The following KAZN variants were observed in gnomAD, a reference collection of about 807,000 sequenced individuals.
KAZN encodes kazrin, periplakin interacting protein.
In KAZN, 40 loss-of-function variants were observed where a neutral mutation model predicts 87.4. The ratio of observed to expected loss-of-function variants is 0.46; its 90% confidence interval spans 0.36 to 0.60. The LOEUF (loss-of-function observed/expected upper bound fraction) is 0.60. Ranked by LOEUF, KAZN falls within the 20% of genes least tolerant of loss-of-function variation. KAZN has a pLI of 0.00. For missense variants in KAZN, 898 were observed against 1,073.9 expected (o/e 0.84, Z 2.29); for synonymous variants, 466 against 458.3 (o/e 1.02, Z -0.22).
chr1:14,172,450 C>T (rs1645974221), intron 1 of KAZN, among the ~76,000 whole-genome samples: 1 of 152,184 alleles, frequency 6.6e-6, no homozygotes, highest in African/African-American at 2.4e-5. Context: ...GTGCCAGGTC[C>T]TATGCTTAAA....
intron 4 of KAZN, among the ~76,000 whole-genome samples, chr1:15,046,447 C>T (rs536128656): frequency 2.6e-5 from 4 of 152,102 alleles, no homozygotes; most frequent in South Asian, 2.1e-4. Context: ...TTTGCTGTCT[C>T]GGGGTGACGG....
chr1:14,377,742 C>A (rs1432110839), intron 2 of KAZN, among the ~76,000 whole-genome samples: 1 of 152,190 alleles, frequency 6.6e-6, no homozygotes, highest in East Asian at 1.9e-4. Context: ...AGGTCCCAGG[C>A]ATATAGTGAT....
intron 2 of KAZN, among the ~76,000 whole-genome samples, chr1:14,355,726 C>T (rs1283389347): frequency 6.6e-6 from 1 of 152,144 alleles, no homozygotes; most frequent in Admixed American, 6.6e-5. Flanking sequence ...TGATGGTTTC[C>T]AGCCTCATCC....
At chr1:14,792,529 A>T (rs1645705501) in intron 1 of KAZN, among the ~76,000 whole-genome samples, 1 of 152,128 alleles carries the variant, frequency 6.6e-6, no homozygotes, top group Admixed American at 6.5e-5. Flanking sequence ...CTCAACCTGG[A>T]GGTTTAGTGG....
chr1:15,034,303 C>T (rs1238277972), intron 2 of KAZN, among the ~76,000 whole-genome samples: 3 of 152,190 alleles, frequency 2.0e-5, no homozygotes, highest in African/African-American at 7.2e-5. Context: ...CTTCTCCCCA[C>T]GGAAGAAATG....
intron 1 of KAZN, among the ~76,000 whole-genome samples, chr1:14,765,555 T>C (rs1208410900): frequency 6.6e-6 from 1 of 152,108 alleles, no homozygotes; most frequent in Non-Finnish European, 1.5e-5. Flanking sequence ...TGCAGATGTA[T>C]TGGGAGAAAT....
At chr1:14,482,969 A>G (rs1467097293) in intron 2 of KAZN, among the ~76,000 whole-genome samples, 1 of 152,206 alleles carries the variant, frequency 6.6e-6, no homozygotes, top group Non-Finnish European at 1.5e-5. Context: ...TCATCTGCAC[A>G]ATGGGAATAA....
chr1:14,980,925 G>A (rs1666183974), intron 2 of KAZN, among the ~76,000 whole-genome samples: 1 of 152,122 alleles, frequency 6.6e-6, no homozygotes, highest in African/African-American at 2.4e-5. Context: ...CGTGTCTTCA[G>A]TGTGAGCCCC....
At chr1:14,896,603 G>A (rs937859395) in intron 1 of KAZN, among the ~76,000 whole-genome samples, 1 of 152,188 alleles carries the variant, frequency 6.6e-6, no homozygotes, top group Non-Finnish European at 1.5e-5. Flanking sequence ...CTGCTGGTGG[G>A]GAGCAGGCTG....
chr1:13,977,880 C>A (rs1027370272), intron 1 of KAZN, among the ~76,000 whole-genome samples: 1 of 152,188 alleles, frequency 6.6e-6, no homozygotes, highest in Non-Finnish European at 1.5e-5. Flanking sequence ...GTAATCCCAG[C>A]ACTTTGGGAG....
intron 4 of KAZN, among the ~76,000 whole-genome samples, chr1:15,049,348 G>A (rs865808699): frequency 2.6e-5 from 4 of 152,198 alleles, no homozygotes; most frequent in Non-Finnish European, 5.9e-5. Flanking sequence ...TTCAGTTTAC[G>A]GTGCTCTCTG....
intron 1 of KAZN, among the ~76,000 whole-genome samples, chr1:14,696,345 G>A (rs1641601677): frequency 6.6e-6 from 1 of 152,208 alleles, no homozygotes; most frequent in South Asian, 2.1e-4. Context: ...AGGGCATCCA[G>A]GGGAAGGATG....
rs544930428 is a variant in KAZN at position 14,728,646 on chromosome 1, G to A, written c.226+129423G>A. Reference sequence around the variant, plus strand: ...CACATTACAAGACACTTGGCTTCCCGTATTGGAGGCTTTTTCCTGGCAGGA... The same window carrying A: ...CACATTACAAGACACTTGGCTTCCCATATTGGAGGCTTTTTCCTGGCAGGA... On this transcript the variant is annotated intron_variant, in intron 1 of 14. Coordinates refer to ENST00000376030, the MANE Select transcript of KAZN (RefSeq NM_201628.3). Among the ~76,000 whole-genome samples, 31 of 152,264 alleles carry A rather than the reference G, an allele frequency of 2.0e-4. 1 individual carries two copies. The highest frequency in any genetic ancestry group is 7.7e-4 in the East Asian group (4 of 5,176).
chr1:14,768,042 C>T (rs989979885), intron 1 of KAZN, among the ~76,000 whole-genome samples: 1 of 152,090 alleles, frequency 6.6e-6, no homozygotes, highest in South Asian at 2.1e-4. Context: ...TTAATGCACG[C>T]GTATGTCGCC....
At chr1:14,173,147 T>C (rs1355147945) in intron 1 of KAZN, among the ~76,000 whole-genome samples, 1 of 152,074 alleles carries the variant, frequency 6.6e-6, no homozygotes, top group African/African-American at 2.4e-5. Flanking sequence ...TAGCAAAAAA[T>C]TTAAGATTAT....
intron 1 of KAZN, among the ~76,000 whole-genome samples, chr1:14,874,528 G>GGACA (rs1652544875): frequency 6.6e-6 from 1 of 150,774 alleles, no homozygotes; most frequent in Non-Finnish European, 1.5e-5. Context: ...ATGGACAGAT[G>GGACA]GATGGAAGGC....
chr1:14,529,290 G>A (rs1380911947), intron 2 of KAZN, among the ~76,000 whole-genome samples: 1 of 152,164 alleles, frequency 6.6e-6, no homozygotes, highest in East Asian at 1.9e-4. Flanking sequence ...GGTGACAAGA[G>A]CGAGTCTTCA....
At chr1:15,093,095 G>A (rs1425488396) in intron 8 of KAZN, among the ~76,000 whole-genome samples, 1 of 152,120 alleles carries the variant, frequency 6.6e-6, no homozygotes, top group Non-Finnish European at 1.5e-5. Flanking sequence ...ATGCCCATCA[G>A]TAGGAGGTGA....
chr1:14,431,398 T>C (rs943024915), intron 2 of KAZN, among the ~76,000 whole-genome samples: 3 of 152,154 alleles, frequency 2.0e-5, no homozygotes, highest in Admixed American at 1.3e-4. Context: ...AGCCCCTACT[T>C]GGAGGATAAA....
Sources: allele counts gnomAD v4.1 joint callset (sites outside exome capture counted in the v4.1 genomes callset), GRCh38; gene constraint gnomAD v4.1.1; transcripts MANE v1.5; gene names NCBI Gene and HGNC (gene_info 2026-07-23, HGNC 2026-07-21).